ZNF804B: variants seen among roughly 807,000 people sequenced by gnomAD.
ZNF804B encodes the protein zinc finger 804B.
A neutral mutation model predicts 101.4 loss-of-function variants in ZNF804B; 80 were observed. The ratio of observed to expected loss-of-function variants is 0.79; its 90% confidence interval spans 0.66 to 0.95. The LOEUF (loss-of-function observed/expected upper bound fraction) is 0.95. Among genes scored for constraint, ZNF804B ranks in the 40% least tolerant of loss-of-function variants. The pLI is 0.00. For missense variants in ZNF804B, 1,673 were observed against 1,561.9 expected, an observed-to-expected ratio of 1.07 and a Z score of -1.20; for synonymous variants, 622 against 558.8, an observed-to-expected ratio of 1.11 and a Z score of -1.59.
chr7:88,874,274 C>A (rs1387728562), intron 1 of ZNF804B, among the ~76,000 whole-genome samples: 2 of 151,994 alleles, frequency 1.3e-5, no homozygotes, highest in Admixed American at 1.3e-4. Context: ...TTCTGTTTGT[C>A]TGTTGTTGGT....
intron 2 of ZNF804B, among the ~76,000 whole-genome samples, chr7:89,304,384 A>G (rs957592010): frequency 5.9e-5 from 9 of 151,934 alleles, no homozygotes; most frequent in Admixed American, 2.6e-4. Flanking sequence ...CCCCTATTTC[A>G]ATAGTCTCTC....
intron 2 of ZNF804B, among the ~76,000 whole-genome samples, chr7:89,220,155 A>ATATACATG (rs1554380289): frequency 2.1e-5 from 2 of 93,040 alleles, no homozygotes; most frequent in African/African-American, 9.5e-5. Context: ...ATATACATAT[A>ATATACATG]TATATACGCA....
Position 88,896,024 on chromosome 7 carries a change from A to G in ZNF804B, c.108+135940A>G, listed in dbSNP as rs558969605. ...TGATTTAATTTCAAAGAGTAGAGTAATGGACTGGGGGAGAGATAGTAATTG... is the reference window on the plus strand; with the variant it reads ...TGATTTAATTTCAAAGAGTAGAGTAGTGGACTGGGGGAGAGATAGTAATTG... On this transcript the variant is annotated intron_variant, in intron 1 of 3. Transcript: ENST00000333190. Among the ~76,000 whole-genome samples the G allele has an allele frequency of 3.3e-5, 5 of 152,268 alleles. No individual in the cohort carries two copies. The East Asian group carries it at 9.7e-4, about 29-fold the overall frequency.
chr7:88,920,532 A>G (rs1311424747), intron 1 of ZNF804B, among the ~76,000 whole-genome samples: 1 of 152,078 alleles, frequency 6.6e-6, no homozygotes, highest in African/African-American at 2.4e-5. Flanking sequence ...AACTTAGTTT[A>G]TCATCACCAT....
At chr7:89,199,214 C>T (rs1388002426) in intron 1 of ZNF804B, among the ~76,000 whole-genome samples, 1 of 151,814 alleles carries the variant, frequency 6.6e-6, no homozygotes, top group Non-Finnish European at 1.5e-5. Flanking sequence ...TCTTTACTTA[C>T]ATTGTTTGGG....
chr7:88,930,500 T>C (rs1350336776), intron 1 of ZNF804B, among the ~76,000 whole-genome samples: 1 of 151,978 alleles, frequency 6.6e-6, no homozygotes, highest in Non-Finnish European at 1.5e-5. Context: ...TCTAGGCTTA[T>C]GTTTCCAAAA....
At chr7:89,124,228 C>T (rs1790446297) in intron 1 of ZNF804B, among the ~76,000 whole-genome samples, 1 of 137,968 alleles carries the variant, frequency 7.2e-6, no homozygotes, top group South Asian at 2.4e-4. Context: ...ATAAATCCCA[C>T]TATTCTTATC....
chr7:88,761,292 T>C (rs1789891625), intron 1 of ZNF804B, among the ~76,000 whole-genome samples: 1 of 152,200 alleles, frequency 6.6e-6, no homozygotes, highest in Non-Finnish European at 1.5e-5. Context: ...AGTGGGTTGT[T>C]GCAACTGCTC....
At chr7:88,983,373 A>G (rs1793718320) in intron 1 of ZNF804B, among the ~76,000 whole-genome samples, 1 of 152,058 alleles carries the variant, frequency 6.6e-6, no homozygotes, top group African/African-American at 2.4e-5. Flanking sequence ...GTTAGGCCCT[A>G]TCTTCAGAGT....
chr7:88,848,144 A>G (rs573160270), intron 1 of ZNF804B, among the ~76,000 whole-genome samples: 79 of 152,294 alleles, frequency 5.2e-4, no homozygotes, highest in African/African-American at 1.8e-3. Context: ...GGATGCTGCT[A>G]TAACATCCTA....
chr7:89,327,982 C>T (rs988707508), intron 3 of ZNF804B, among the ~76,000 whole-genome samples: 1 of 151,916 alleles, frequency 6.6e-6, no homozygotes, highest in Non-Finnish European at 1.5e-5. Flanking sequence ...AAGTTTTATA[C>T]TAATACATTC....
At position 88,999,913 on chromosome 7, in the gene ZNF804B, A is replaced by G. The variant is rs191261379; in HGVS notation, c.109-218242A>G. Among the ~76,000 whole-genome samples the G allele has an allele frequency of 3.1e-3, 475 of 152,108 alleles. 8 individuals are homozygous for G. The highest frequency in any genetic ancestry group is 0.011 in the African/African-American group (454 of 41,546). ...TGTTAACAACTAGATTCCTTATTTC[A>G]TGTCCTAGTGATATGTAACAGTAAA... On this transcript the variant is annotated intron_variant, in intron 1 of 3. Coordinates refer to ENST00000333190, the MANE Select transcript of ZNF804B (RefSeq NM_181646.5).
At chr7:89,205,160 C>G (rs559061261) in intron 1 of ZNF804B, among the ~76,000 whole-genome samples, 1 of 152,044 alleles carries the variant, frequency 6.6e-6, no homozygotes, top group African/African-American at 2.4e-5. Context: ...CAGGAAAAAC[C>G]TACCCTCCAT....
intron 1 of ZNF804B, among the ~76,000 whole-genome samples, chr7:88,847,558 A>G (rs921981305): frequency 2.0e-5 from 3 of 152,164 alleles, no homozygotes; most frequent in African/African-American, 7.2e-5. Flanking sequence ...GGAATAGATA[A>G]TATTAAATAT....
intron 1 of ZNF804B, among the ~76,000 whole-genome samples, chr7:89,089,531 C>T (rs1269528504): frequency 6.6e-6 from 1 of 151,842 alleles, no homozygotes; most frequent in Non-Finnish European, 1.5e-5. Context: ...CTTTAAAATG[C>T]TTCATAAGAG....
At chr7:89,281,507 C>T (rs1280847484) in intron 2 of ZNF804B, among the ~76,000 whole-genome samples, 1 of 151,974 alleles carries the variant, frequency 6.6e-6, no homozygotes, top group African/African-American at 2.4e-5. Flanking sequence ...TTAGATAATA[C>T]AATTAAAAAT....
intron 2 of ZNF804B, among the ~76,000 whole-genome samples, chr7:89,277,818 ATG>A (rs970149757): frequency 6.6e-6 from 1 of 152,006 alleles, no homozygotes; most frequent in Non-Finnish European, 1.5e-5. Flanking sequence ...ATACGTGTGC[ATG>A]TGTCTTTATA....
rs745725061 is a variant in ZNF804B at position 88,833,998 on chromosome 7, C to G, written c.108+73914C>G. Among the ~76,000 whole-genome samples, 85 of 151,528 alleles carry G rather than the reference C, an allele frequency of 5.6e-4. 1 individual carries two copies. Among genetic ancestry groups the G allele is most frequent in the Non-Finnish European group, 3.0e-4 (20 of 67,768 alleles). On this transcript the variant is annotated intron_variant, in intron 1 of 3. Transcript: ENST00000333190. ...AACAATTACAGAGAAAGCTCTTATC[C>G]AGAAATGGGGCTAGTTTTCAGCATC...
In ZNF804B at chr7:89,334,307, C is replaced by G; in HGVS notation, c.1325C>G (p.Pro442Arg). ...CATAATGTGGCATCTAAACCACTAC[C>G]TTTTCTCCACGTTCAAAGCAAGGAT... Reference protein sequence around the residue: ...CTHNVASKPLPFLHVQSKDGH... With the variant: ...CTHNVASKPLRFLHVQSKDGH... Residue 442 changes from proline to arginine, a missense_variant, in exon 4 of 4, where the codon CCT (proline) becomes CGT (arginine). By Grantham distance (103) the Pro-to-Arg change is moderately radical. Coordinates refer to ENST00000333190, the MANE Select transcript of ZNF804B (RefSeq NM_181646.5). 6.2e-7 allele frequency: 1 copy of G among 1,613,830 alleles called. No individual in the cohort carries two copies. The highest frequency in any genetic ancestry group is 8.5e-7 in the Non-Finnish European group (1 of 1,179,852).
Sources: gnomAD v4.1 joint callset for allele counts (sites outside exome capture counted in the v4.1 genomes callset) on GRCh38, gnomAD v4.1.1 for gene constraint, MANE v1.5 for transcripts, NCBI Gene and HGNC (gene_info 2026-07-23, HGNC 2026-07-21) for gene names.